Variants in ASAH2 observed in about 807,000 individuals in gnomAD.
ASAH2 encodes the protein neutral ceramidase.
In ASAH2, 58 loss-of-function variants were observed where a neutral mutation model predicts 82.9. That is an observed-to-expected ratio of 0.70 (90% CI 0.57 to 0.87). The LOEUF (loss-of-function observed/expected upper bound fraction) is 0.87, where lower values mean the gene tolerates loss of function less well. ASAH2 is among the 40% of genes least tolerant of loss of function. The pLI is 0.00. For missense variants in ASAH2, 779 were observed against 834.0 expected (o/e 0.93, Z 0.81); for synonymous variants, 276 against 289.7 (o/e 0.95, Z 0.48).
At position 50,233,828 on chromosome 10, in the gene ASAH2, TG is replaced by T. The variant is rs1846076697; in HGVS notation, c.816-568del. On this transcript the variant is annotated intron_variant, in intron 6 of 20. Coordinates refer to ENST00000682911, the MANE Select transcript of ASAH2 (RefSeq NM_019893.4). Reference sequence around the variant, plus strand: ...AAGCACTTCTCTTCTGTTACAAACCTGGTTCATCACTTAAAAAAAGACAAAA... The same window carrying T: ...AAGCACTTCTCTTCTGTTACAAACCTGTTCATCACTTAAAAAAAGACAAAA... Among the ~76,000 whole-genome samples, 3 of 152,252 alleles carry T rather than the reference TG, an allele frequency of 2.0e-5. No individual in the cohort carries two copies. The South Asian group carries it at 6.2e-4, about 32-fold the overall frequency.
At chr10:50,207,087 A>G in intron 12 of ASAH2, among the ~76,000 whole-genome samples, 1 of 152,010 alleles carries the variant, frequency 6.6e-6, no homozygotes. Context: ...CTAATAATCA[A>G]GGAAGAAATC....
Position 50,202,933 on chromosome 10 carries a change from G to C in ASAH2, c.1666-9C>G. On this transcript the variant is annotated splice_polypyrimidine_tract_variant and intron_variant, in intron 15 of 20. Transcript: ENST00000682911. ...CCATGAGATGCAAATTCCTAGGAGA[G>C]AAAGGTAAAACCCAATAAAATTACT... The C allele has an allele frequency of 1.3e-6, 2 of 1,582,268 alleles. No homozygotes were observed. Among genetic ancestry groups the C allele is most frequent in the South Asian group, 2.2e-5 (2 of 90,402 alleles).
At chr10:50,194,597 T>C (rs1385982251) in intron 18 of ASAH2, among the ~76,000 whole-genome samples, 1 of 151,064 alleles carries the variant, frequency 6.6e-6, no homozygotes, top group East Asian at 2.0e-4. Flanking sequence ...CTATTTGACA[T>C]TGGATTGGAT....
intron 7 of ASAH2, among the ~76,000 whole-genome samples, chr10:50,222,678 T>C (rs1267415553): frequency 1.3e-5 from 2 of 152,300 alleles, no homozygotes; most frequent in African/African-American, 4.8e-5. Flanking sequence ...AAAAAGTTAT[T>C]TAAATTGAAG....
At chr10:50,211,898 G>T (rs1845462617) in intron 10 of ASAH2, among the ~76,000 whole-genome samples, 1 of 152,086 alleles carries the variant, frequency 6.6e-6, no homozygotes, top group South Asian at 2.1e-4. Flanking sequence ...GAGAAGTTGT[G>T]CCTTGCTGAG....
At chr10:50,194,091 T>G (rs1844912026) in intron 18 of ASAH2, among the ~76,000 whole-genome samples, 1 of 115,540 alleles carries the variant, frequency 8.7e-6, no homozygotes, top group African/African-American at 2.7e-5. Context: ...ATCAAATATT[T>G]AAAGAGTAAA....
chr10:50,240,595 A>G (rs1846269606), intron 4 of ASAH2: 2 of 702,166 alleles, frequency 2.8e-6, no homozygotes, highest in Non-Finnish European at 2.6e-6. Flanking sequence ...GCCCTCTGCA[A>G]TTATGATAAA....
chr10:50,216,311 A>T (rs1187693822), intron 8 of ASAH2, among the ~76,000 whole-genome samples: 1 of 13,860 alleles, frequency 7.2e-5, no homozygotes, highest in African/African-American at 9.4e-5. Flanking sequence ...ATAATAATAA[A>T]AAAAAAAATC....
intron 12 of ASAH2, among the ~76,000 whole-genome samples, chr10:50,207,805 C>A (rs1845343680): frequency 1.3e-5 from 2 of 151,796 alleles, no homozygotes; most frequent in Non-Finnish European, 2.9e-5. Context: ...CTTCCTGATT[C>A]ATTCTATGAG....
intron 16 of ASAH2, among the ~76,000 whole-genome samples, chr10:50,200,982 C>T (rs1241737416): frequency 6.6e-6 from 1 of 151,812 alleles, no homozygotes; most frequent in Admixed American, 6.6e-5. Flanking sequence ...CCCATATAAA[C>T]CCCAAACCCC....
intron 7 of ASAH2, among the ~76,000 whole-genome samples, chr10:50,225,992 C>T (rs1256541221): frequency 6.6e-6 from 1 of 151,922 alleles, no homozygotes; most frequent in East Asian, 1.9e-4. Flanking sequence ...ACTCAGGAGG[C>T]TGAGGCAAGA....
intron 4 of ASAH2, among the ~76,000 whole-genome samples, chr10:50,240,108 G>A (rs949606889): frequency 5.3e-5 from 8 of 152,030 alleles, no homozygotes; most frequent in South Asian, 2.1e-4. Flanking sequence ...GATTACAGAC[G>A]TGAGCCACCA....
At position 50,185,756 on chromosome 10, in the gene ASAH2, G is replaced by A. The variant is rs1404436993; in HGVS notation, c.*1559C>T. 1 of 142,490 alleles carries A rather than the reference G, an allele frequency of 7.0e-6. No individual in the cohort carries two copies. Among genetic ancestry groups the A allele is most frequent in the African/African-American group, 2.7e-5 (1 of 36,466 alleles). 8.8% of individuals were successfully genotyped at this position (142,490 alleles called of 1,614,324 possible). A position where few individuals can be genotyped will look rare whatever the true frequency, so the allele number is the denominator to read the frequency against. On this transcript the variant is annotated 3_prime_UTR_variant, in exon 21 of 21. Transcript: ENST00000682911. ...ACCAATTCATCAAAAAGTGTTCCAG[G>A]TTCATTCTAATTCAATAAATTATGT...
intron 7 of ASAH2, among the ~76,000 whole-genome samples, chr10:50,230,171 T>G (rs1845987473): frequency 6.6e-6 from 1 of 152,170 alleles, no homozygotes; most frequent in Admixed American, 6.5e-5. Flanking sequence ...GCGTGGCTCA[T>G]AGTAGGTCCC....
rs1845605614 is a variant in ASAH2 at position 50,216,499 on chromosome 10, A to T, written c.1015-1631T>A. On this transcript the variant is annotated intron_variant, in intron 8 of 20. Transcript: ENST00000682911. ...ACTGTGTGCAACAACAAATTATAAAATGCTGACCAGTCAATCTAGTCTATT... is the reference window on the plus strand; with the variant it reads ...ACTGTGTGCAACAACAAATTATAAATTGCTGACCAGTCAATCTAGTCTATT... Among the ~76,000 whole-genome samples the T allele has an allele frequency of 2.6e-5, 4 of 152,224 alleles. No homozygotes were observed. In the South Asian group the frequency reaches 8.3e-4, roughly 32 times the overall value.
At chr10:50,218,274 T>C (rs868755376) in intron 8 of ASAH2, among the ~76,000 whole-genome samples, 11 of 152,224 alleles carry the variant, frequency 7.2e-5, no homozygotes, top group Non-Finnish European at 1.3e-4. Flanking sequence ...AACTAATAAC[T>C]TTATGAAGCA....
chr10:50,235,435 T>G (rs1846133379), intron 5 of ASAH2, among the ~76,000 whole-genome samples: 1 of 151,910 alleles, frequency 6.6e-6, no homozygotes, highest in Admixed American at 6.6e-5. Flanking sequence ...ACCACGGAGG[T>G]CTGTATCTAT....
intron 5 of ASAH2, 82 bp from the exon 6 acceptor site, chr10:50,234,634 C>T (rs1846103143): frequency 1.9e-6 from 3 of 1,590,698 alleles, no homozygotes; most frequent in African/African-American, 2.7e-5. Flanking sequence ...AACAGAAGAG[C>T]CCTGTGAACA....
intron 4 of ASAH2, among the ~76,000 whole-genome samples, chr10:50,237,071 TTAGC>T (rs1433736730): frequency 2.6e-5 from 4 of 152,166 alleles, no homozygotes; most frequent in African/African-American, 9.6e-5. Flanking sequence ...GGGCTCTCTT[TTAGC>T]AGAGGCTGAG....
Sources: gnomAD v4.1 joint callset for allele counts (sites outside exome capture counted in the v4.1 genomes callset) on GRCh38, gnomAD v4.1.1 for gene constraint, MANE v1.5 for transcripts, NCBI Gene and HGNC (gene_info 2026-07-23, HGNC 2026-07-21) for gene names.